The following GUCY2D variants were observed in gnomAD, a reference collection of about 807,000 sequenced individuals.
GUCY2D encodes guanylate cyclase 2D, retinal.
In GUCY2D, 70 loss-of-function variants were observed where a neutral mutation model predicts 101.3. The ratio of observed to expected loss-of-function variants is 0.69; its 90% CI spans 0.57 to 0.84. The LOEUF (loss-of-function observed/expected upper bound fraction) is 0.84, where lower values mean the gene tolerates loss of function less well. Ranked by LOEUF, GUCY2D falls within the 40% of genes least tolerant of loss-of-function variation. The probability of loss-of-function intolerance (pLI) is 0.00; values close to 1 mark genes in which losing one functional copy is unlikely to be tolerated. For synonymous variants in GUCY2D, 688 were observed against 670.7 expected (o/e 1.03, Z -0.40); for missense variants, 1,460 against 1,542.5 (o/e 0.95, Z 0.90).
chr17:8,007,385 A>G (rs1975765923), intron 5 of GUCY2D, 41 bp from the exon 6 acceptor site: 1 of 1,345,594 alleles, frequency 7.4e-7, no homozygotes, highest in Admixed American at 1.7e-5. Context: ...CTTCTGACGG[A>G]ACTTGGTGCC....
chr17:8,007,163 T>A lies in GUCY2D; in HGVS notation c.1463+19T>A. On this transcript the variant is annotated intron_variant, in intron 5 of 19. Transcript: ENST00000254854. ...ATGTGAGGTGAGTAGTGGAATGAGG[T>A]AAGTAGGAAGTGAGCTTGTGCCAGA... The A allele has an allele frequency of 6.4e-7, 1 of 1,563,930 alleles. No homozygotes were observed. The highest frequency in any genetic ancestry group is 8.8e-7 in the Non-Finnish European group (1 of 1,134,454).
At chr17:8,007,787 T>C (rs994368366) in intron 6 of GUCY2D, 144 bp from the exon 7 acceptor site, 17 of 710,140 alleles carry the variant, frequency 2.4e-5, no homozygotes, top group Non-Finnish European at 4.4e-5. Flanking sequence ...AAGCGTGCAC[T>C]TGGGGAGTAA....
At chr17:8,016,402 C>A (rs749436007) in intron 18 of GUCY2D, 41 bp from the exon 19 acceptor site, 18 of 1,460,984 alleles carry the variant, frequency 1.2e-5, no homozygotes, top group Non-Finnish European at 1.6e-5. Context: ...CCCTCCCACG[C>A]CCCATTCCCC....
intron 19 of GUCY2D, among the ~76,000 whole-genome samples, chr17:8,017,780 C>G (rs1976005287): frequency 6.6e-6 from 1 of 152,134 alleles, no homozygotes; most frequent in Non-Finnish European, 1.5e-5. Context: ...GCAACCTCCT[C>G]CTCTCAGGTT....
In GUCY2D at chr17:8,015,479, G is replaced by C. The variant is rs776083430; in HGVS notation, c.2921G>C (p.Arg974Pro). 3.1e-6 allele frequency: 5 copies of C among 1,612,758 alleles called. No homozygotes were observed. The highest frequency in any genetic ancestry group is 2.2e-5 in the South Asian group (2 of 90,982). ...RMRHMPEVPV[R>P]IRIGLHSGPC... ...CGCCATATGCCTGAGGTTCCCGTGC[G>C]CATCCGCATAGGCCTGCACTCGGGT... The change falls in exon 15 of 20, where the codon CGC becomes CCC. Residue 974 changes from arginine (R) to proline (P), a missense_variant. By Grantham distance (103) the Arg-to-Pro change is moderately radical (BLOSUM62 -2). This residue lies in a region of GUCY2D where 215 missense variants were observed against 227.9 expected (regional missense o/e 0.94). Transcript: ENST00000254854.
chr17:8,016,927 T>G, intron 19 of GUCY2D: 3 of 180,426 alleles, frequency 1.7e-5, no homozygotes, highest in South Asian at 1.3e-4. Context: ...CCGTGCCCAC[T>G]CCCCTCCTGC....
chr17:8,014,301 C>G lies in GUCY2D; in HGVS notation c.2412+273C>G. The G allele has an allele frequency of 1.7e-6, 1 of 602,374 alleles. No homozygotes were observed. The highest frequency in any genetic ancestry group is 3.0e-6 in the Non-Finnish European group (1 of 338,416). The allele number at this position is 602,374 out of a possible 1,614,324, so 37.3% of individuals were successfully genotyped here. A position where few individuals can be genotyped will look rare whatever the true frequency, so the allele number is the denominator to read the frequency against. On this transcript the variant is annotated intron_variant, in intron 12 of 19. Coordinates refer to ENST00000254854, the MANE Select transcript of GUCY2D (RefSeq NM_000180.4). This position sits in a 1 kb window ranked among gnomAD's most constrained non-coding sequence, Gnocchi z 4.0. ...ATTGAGAACCAAGTATGTGCTTGGC[C>G]TGCTGTGACAGAAAGACCCTTGGCC...
intron 8 of GUCY2D, among the ~76,000 whole-genome samples, chr17:8,010,130 A>ACTGTCATGTCATGTCTCG (rs1975821845): frequency 6.6e-6 from 1 of 152,072 alleles, no homozygotes; most frequent in Non-Finnish European, 1.5e-5. Context: ...CTCTCGCTGG[A>ACTGTCATGTCATGTCTCG]CTGTAAGCTG....
chr17:8,004,576 C>G (rs1452954051), intron 3 of GUCY2D, among the ~76,000 whole-genome samples: 1 of 152,116 alleles, frequency 6.6e-6, no homozygotes, highest in African/African-American at 2.4e-5. Context: ...GTGGTCTTAG[C>G]TTTTCAAGGG....
At position 8,014,367 on chromosome 17, in the gene GUCY2D, T is replaced by G; in HGVS notation, c.2413-234T>G. ...TGGGCTGGCTCCAGTGCCCTGTCAA[T>G]TACTAGCTGAGATCAACTGACCTCT... On this transcript the variant is annotated intron_variant, in intron 12 of 19. Coordinates refer to ENST00000254854, the MANE Select transcript of GUCY2D (RefSeq NM_000180.4). The surrounding 1 kb of genome is among the most constrained non-coding windows in gnomAD (Gnocchi z 4.0). The G allele has an allele frequency of 1.6e-6, 1 of 615,846 alleles. No homozygotes were observed. Among genetic ancestry groups the G allele is most frequent in the Non-Finnish European group, 2.9e-6 (1 of 343,124 alleles). 38.1% of individuals were successfully genotyped at this position (615,846 alleles called of 1,614,324 possible). A position where few individuals can be genotyped will look rare whatever the true frequency, so the allele number is the denominator to read the frequency against.
At chr17:8,015,198 C>A in intron 14 of GUCY2D, 130 bp from the exon 15 acceptor site, 1 of 1,077,040 alleles carries the variant, frequency 9.3e-7, no homozygotes, top group South Asian at 1.3e-5. Flanking sequence ...CTCCAGTCCC[C>A]AGCTCAGTCC....
At position 8,011,998 on chromosome 17, in the gene GUCY2D, C is replaced by T; in HGVS notation, c.1750-146C>T. Reference sequence around the variant, plus strand: ...ATAGGACTATGTGTAGAAGAGAGCCCCCGTACATACCTTATCAACCATTTC... The same window carrying T: ...ATAGGACTATGTGTAGAAGAGAGCCTCCGTACATACCTTATCAACCATTTC... On this transcript the variant is annotated intron_variant, in intron 8 of 19. Coordinates refer to ENST00000254854, the MANE Select transcript of GUCY2D (RefSeq NM_000180.4). This position sits in a 1 kb window ranked among gnomAD's most constrained non-coding sequence, Gnocchi z 4.3. The T allele has an allele frequency of 1.5e-6, 1 of 670,700 alleles. No homozygotes were observed. Among genetic ancestry groups the T allele is most frequent in the Non-Finnish European group, 2.7e-6 (1 of 367,804 alleles). 41.5% of individuals were successfully genotyped at this position (670,700 alleles called of 1,614,324 possible). A position where few individuals can be genotyped will look rare whatever the true frequency, so the allele number is the denominator to read the frequency against.
At position 8,009,585 on chromosome 17, in the gene GUCY2D, AG is replaced by A. The variant is rs1252416255; in HGVS notation, c.1749+1del. The part of the protein sequence containing the change: ...IRPATKTAFS[K>X]LQELRHENVA... The stretch of plus-strand genomic sequence containing the variant: ...CCAGCAACCAAGACGGCCTTCTCCA[AG>A]GTGAGACTTGGGCCTGTGATGGGGC... On this transcript the variant is annotated frameshift_variant and splice_region_variant, in exon 8 of 20. Transcript: ENST00000254854. LOFTEE classifies it high-confidence loss of function. 1 of 1,608,280 alleles carries A rather than the reference AG, an allele frequency of 6.2e-7. No homozygotes were observed. Among genetic ancestry groups the A allele is most frequent in the Non-Finnish European group, 8.5e-7 (1 of 1,174,670 alleles).
In GUCY2D at chr17:8,015,395, C is replaced by A. The variant is rs61750180; in HGVS notation, c.2837C>A (p.Ala946Glu). ...GLPQRNGQRH[A>E]AEIANMSLDI... is the part of the protein sequence containing the mutation. Reference sequence around the variant, plus strand: ...CCCCAGCGGAATGGGCAGCGACACGCGGCAGAGATCGCCAACATGTCACTG... The same window carrying A: ...CCCCAGCGGAATGGGCAGCGACACGAGGCAGAGATCGCCAACATGTCACTG... The change falls in exon 15 of 20, where the codon GCG becomes GAG. Residue 946 changes from alanine to glutamate, a missense_variant. Transcript: ENST00000254854. The A allele has an allele frequency of 1.5e-5, 25 of 1,613,286 alleles. No individual in the cohort carries two copies. Among genetic ancestry groups the A allele is most frequent in the Non-Finnish European group, 2.1e-5 (25 of 1,179,860 alleles).
rs1975951794 is a variant in GUCY2D at position 8,015,556 on chromosome 17, C to A, written c.2944+54C>A. On this transcript the variant is annotated intron_variant, in intron 15 of 19. Transcript: ENST00000254854. ...CCCATCTCCCTCTTTAGGGCCTGGC[C>A]CCAGATTTCCTGTAGAGGAGGCAAC... 2.6e-6 allele frequency: 4 copies of A among 1,514,154 alleles called. No individual in the cohort carries two copies. The East Asian group carries it at 9.4e-5, about 35-fold the overall frequency. The allele number at this position is 1,514,154 out of a possible 1,614,324, so 93.8% of individuals were successfully genotyped here. A position where few individuals can be genotyped will look rare whatever the true frequency, so the allele number is the denominator to read the frequency against.
rs780687906 is a variant in GUCY2D, at chr17:8,012,628, G to A, written c.2113+22G>A. On this transcript the variant is annotated intron_variant, in intron 10 of 19. Coordinates refer to ENST00000254854, the MANE Select transcript of GUCY2D (RefSeq NM_000180.4). ...GAGGGTAAGAGTCCCCTGTGCAGAC[G>A]AGGATCCACCGGGATCCCCATTATT... 6.3e-6 allele frequency: 10 copies of A among 1,597,384 alleles called. No individual in the cohort carries two copies. In the East Asian group the frequency reaches 8.9e-5, roughly 14 times the overall value.
chr17:8,015,585 T>G, intron 15 of GUCY2D, 83 bp downstream of exon 15: 1 of 1,343,348 alleles, frequency 7.4e-7, no homozygotes, highest in South Asian at 1.2e-5. Flanking sequence ...AGGCAACTCA[T>G]GGAGCGGGGA....
intron 19 of GUCY2D, among the ~76,000 whole-genome samples, chr17:8,017,812 C>G (rs1267989053): frequency 6.6e-6 from 1 of 152,132 alleles, no homozygotes; most frequent in Admixed American, 6.5e-5. Flanking sequence ...CCTACCTCAG[C>G]CTGCCGAGTA....
In GUCY2D at chr17:8,006,732, A is replaced by C. The variant is rs888848465; in HGVS notation, c.1378+18A>C. On this transcript the variant is annotated intron_variant, in intron 4 of 19. Transcript: ENST00000254854. ...CGGTGGAGGTGAGGGCGAGCACCCC[A>C]GTCCCCACTGAGACAATCGCCATGG... 4 of 1,567,446 alleles carry C rather than the reference A, an allele frequency of 2.6e-6. No individual in the cohort carries two copies. The highest frequency in any genetic ancestry group is 1.4e-5 in the African/African-American group (1 of 73,852).
Sources: gnomAD v4.1 joint callset for allele counts (sites outside exome capture counted in the v4.1 genomes callset) on GRCh38, gnomAD v4.1.1 for gene constraint, gnomAD v4.1.1 regional missense constraint, Gnocchi (gnomAD v3.1) non-coding constraint, MANE v1.5 for transcripts, NCBI Gene and HGNC (gene_info 2026-07-23, HGNC 2026-07-21) for gene names.